Variants in GFRAL observed in about 807,000 individuals in gnomAD.
GFRAL encodes the protein GDNF family receptor alpha-like.
A neutral mutation model predicts 45.4 loss-of-function variants in GFRAL; 36 were observed. The ratio of observed to expected loss-of-function variants is 0.79; its 90% CI spans 0.61 to 1.05. The LOEUF is 1.05. Among genes scored for constraint, GFRAL ranks in the 50% least tolerant of loss-of-function variants. The pLI is 0.00. For missense variants in GFRAL, 507 were observed against 467.5 expected, an observed-to-expected ratio of 1.08 and a Z score of -0.78; for synonymous variants, 166 against 154.1, an observed-to-expected ratio of 1.08 and a Z score of -0.57.
chr6:55,349,941 A>G (rs755688950), intron 3 of GFRAL, 151 bp from the exon 4 acceptor site: 54 of 634,802 alleles, frequency 8.5e-5, no homozygotes, highest in Non-Finnish European at 1.4e-4. Flanking sequence ...TTAATTTTGA[A>G]TATCAAGGGC....
At chr6:55,350,970 C>A (rs1461846585) in intron 4 of GFRAL, among the ~76,000 whole-genome samples, 1 of 152,058 alleles carries the variant, frequency 6.6e-6, no homozygotes. Context: ...ATTTGAAAAC[C>A]TTGGACTGGG....
At chr6:55,389,392 G>C (rs192473365) in intron 6 of GFRAL, among the ~76,000 whole-genome samples, 1 of 151,954 alleles carries the variant, frequency 6.6e-6, no homozygotes, top group East Asian at 1.9e-4. Flanking sequence ...AAATCAAAAC[G>C]TACAGCAATA....
Position 55,359,067 on chromosome 6 carries a change from G to C in GFRAL, c.881G>C (p.Arg294Thr), listed in dbSNP as rs1448332356. 2 of 1,612,740 alleles carry C rather than the reference G, an allele frequency of 1.2e-6. No homozygotes were observed. The highest frequency in any genetic ancestry group is 2.2e-5 in the East Asian group (1 of 44,822). Reference sequence around the variant, plus strand: ...GTCCTTCAAGTGCAATGTACCTGTAGGACCATTACACAAAGTGAGGAATCT... The same window carrying C: ...GTCCTTCAAGTGCAATGTACCTGTACGACCATTACACAAAGTGAGGAATCT... ...GTVLQVQCTCRTITQSEESLC... is the reference protein window; with the variant it reads ...GTVLQVQCTCTTITQSEESLC... The change falls in exon 6 of 9, where the codon AGG becomes ACG. Residue 294 changes from arginine (R) to threonine (T), a missense_variant. Coordinates refer to ENST00000340465, the MANE Select transcript of GFRAL (RefSeq NM_207410.2).
At position 55,351,144 on chromosome 6, in the gene GFRAL, T is replaced by C. The variant is rs141435457; in HGVS notation, c.371-109T>C. 7.3e-4 allele frequency: 555 copies of C among 761,546 alleles called. 3 individuals carry two copies. In the African/African-American group the frequency reaches 8.8e-3, roughly 12 times the overall value. The allele number at this position is 761,546 out of a possible 1,614,324, so 47.2% of individuals were successfully genotyped here. A position where few individuals can be genotyped will look rare whatever the true frequency, so the allele number is the denominator to read the frequency against. On this transcript the variant is annotated intron_variant, in intron 4 of 8. Coordinates refer to ENST00000340465, the MANE Select transcript of GFRAL (RefSeq NM_207410.2). ...TGTAATGTTTGCCAAAAATAGGACA[T>C]TGGTACATCATTGTATTTTGCTCAT...
chr6:55,358,453 C>G (rs1768225672), intron 5 of GFRAL, among the ~76,000 whole-genome samples: 1 of 151,776 alleles, frequency 6.6e-6, no homozygotes, highest in Non-Finnish European at 1.5e-5. Flanking sequence ...GTATAAAGCG[C>G]CTCCCATCCT....
chr6:55,387,866 A>C lies in GFRAL; in HGVS notation c.953-11314A>C, dbSNP rs540323182. Among the ~76,000 whole-genome samples the C allele has an allele frequency of 2.6e-5, 4 of 152,300 alleles. No homozygotes were observed. The East Asian group carries it at 7.7e-4, about 29-fold the overall frequency. On this transcript the variant is annotated intron_variant, in intron 6 of 8. Transcript: ENST00000340465. ...TAAGCTATAAAATGAGAACAACGTA[A>C]TTTTCATTCTGTGCAACCATTACTC...
chr6:55,352,954 T>G (rs1271787993), intron 5 of GFRAL, among the ~76,000 whole-genome samples: 2 of 152,012 alleles, frequency 1.3e-5, no homozygotes, highest in African/African-American at 2.4e-5. Flanking sequence ...AAATTAAAAA[T>G]GTATGTGTTG....
At chr6:55,398,070 C>T (rs985684858) in intron 6 of GFRAL, among the ~76,000 whole-genome samples, 1 of 152,158 alleles carries the variant, frequency 6.6e-6, no homozygotes, top group Non-Finnish European at 1.5e-5. Flanking sequence ...GGTGTAAGTA[C>T]ACTCTATGAT....
chr6:55,369,691 C>T (rs1380039286), intron 6 of GFRAL, among the ~76,000 whole-genome samples: 9 of 3,992 alleles, frequency 2.3e-3, no homozygotes, highest in Non-Finnish European at 7.1e-4. Flanking sequence ...ATTTGGTAGA[C>T]ACTGAAAAAA....
chr6:55,395,957 A>G (rs1768819757), intron 6 of GFRAL, among the ~76,000 whole-genome samples: 1 of 152,054 alleles, frequency 6.6e-6, no homozygotes, highest in African/African-American at 2.4e-5. Flanking sequence ...CCAGGGTACA[A>G]GTTAAGATAA....
At position 55,399,710 on chromosome 6, in the gene GFRAL, A is replaced by G. The variant is rs558685007; in HGVS notation, c.1121+269A>G. 2.6e-5 allele frequency among the ~76,000 whole-genome samples: 4 copies of G among 152,150 alleles called. No individual in the cohort carries two copies. In the South Asian group the frequency reaches 8.3e-4, roughly 32 times the overall value. On this transcript the variant is annotated intron_variant, in intron 8 of 8. Coordinates refer to ENST00000340465, the MANE Select transcript of GFRAL (RefSeq NM_207410.2). The stretch of plus-strand genomic sequence containing the variant: ...GTTCCTTCCAATTAAACTCTTATCC[A>G]TCTTTCCCCTTGGCTTCCCTACCAA...
intron 6 of GFRAL, among the ~76,000 whole-genome samples, chr6:55,383,218 CTG>C (rs1768635125): frequency 6.6e-6 from 1 of 151,918 alleles, no homozygotes; most frequent in South Asian, 2.1e-4. Flanking sequence ...GAGGCTGATG[CTG>C]TTGGTCTAAG....
rs1768222805 is a variant in GFRAL at position 55,358,314 on chromosome 6, A to T, written c.702-574A>T. 1.3e-5 allele frequency among the ~76,000 whole-genome samples: 2 copies of T among 151,984 alleles called. 1 individual carries two copies. Reference sequence around the variant, plus strand: ...ATATTCTTATTGTAAAAAAATTCAAAAATGAAATTAGTGTACATTATCCAG... The same window carrying T: ...ATATTCTTATTGTAAAAAAATTCAATAATGAAATTAGTGTACATTATCCAG... On this transcript the variant is annotated intron_variant, in intron 5 of 8. Transcript: ENST00000340465.
intron 4 of GFRAL, 96 bp from the exon 5 acceptor site, chr6:55,351,157 G>T: frequency 1.2e-6 from 1 of 840,746 alleles, no homozygotes; most frequent in Non-Finnish European, 1.9e-6. Context: ...GTACATCATT[G>T]TATTTTGCTC....
intron 3 of GFRAL, among the ~76,000 whole-genome samples, chr6:55,339,329 G>T (rs1047770792): frequency 1.3e-5 from 2 of 152,044 alleles, no homozygotes; most frequent in Non-Finnish European, 2.9e-5. Flanking sequence ...AGGAATGTTG[G>T]TATTTTTTTT....
intron 6 of GFRAL, among the ~76,000 whole-genome samples, chr6:55,387,916 T>C (rs1188374017): frequency 6.6e-6 from 1 of 152,238 alleles, no homozygotes; most frequent in African/African-American, 2.4e-5. Flanking sequence ...ATTTAGGGTA[T>C]GTTGTACAAA....
chr6:55,352,080 A>G (rs2127355520), intron 5 of GFRAL, among the ~76,000 whole-genome samples: 1 of 152,188 alleles, frequency 6.6e-6, no homozygotes, highest in South Asian at 2.1e-4. Context: ...AGGTCCACAC[A>G]CATTTGTGTC....
chr6:55,385,146 C>T (rs929692101), intron 6 of GFRAL, among the ~76,000 whole-genome samples: 2 of 152,058 alleles, frequency 1.3e-5, no homozygotes, highest in Non-Finnish European at 2.9e-5. Context: ...ATCAAGAAAA[C>T]ATTACATTAA....
chr6:55,344,997 C>T (rs974439709), intron 3 of GFRAL, among the ~76,000 whole-genome samples: 2 of 152,120 alleles, frequency 1.3e-5, no homozygotes, highest in African/African-American at 4.8e-5. Context: ...ATGTGAAGGA[C>T]CTCTTCAAGG....
Sources: allele counts gnomAD v4.1 joint callset (sites outside exome capture counted in the v4.1 genomes callset), GRCh38; gene constraint gnomAD v4.1.1; transcripts MANE v1.5; gene names NCBI Gene and HGNC (gene_info 2026-07-23, HGNC 2026-07-21).